The following FBXO11 variants were observed in gnomAD, a reference collection of about 807,000 sequenced individuals.
The protein encoded by FBXO11 is F-box only protein 11.
A neutral mutation model predicts 117.0 loss-of-function variants in FBXO11; 13 were observed. The observed-to-expected ratio is 0.11, with a 90% CI of 0.07 to 0.18. The LOEUF is 0.18. Ranked by LOEUF, FBXO11 falls within the 10% of genes least tolerant of loss-of-function variation. The pLI, the probability that FBXO11 is intolerant of heterozygous loss-of-function variation, is 1.00. For synonymous variants in FBXO11, 490 were observed against 380.5 expected, an observed-to-expected ratio of 1.29 and a Z score of -3.35; for missense variants, 767 against 1,164.4, an observed-to-expected ratio of 0.66 and a Z score of 4.97.
chr2:47,854,516 A>G (rs150735730), intron 1 of FBXO11, among the ~76,000 whole-genome samples: 3 of 152,138 alleles, frequency 2.0e-5, no homozygotes, highest in African/African-American at 7.2e-5. Flanking sequence ...AAATAAATAA[A>G]TAAATAATAG....
chr2:47,894,981 A>G (rs1169968675), intron 1 of FBXO11, among the ~76,000 whole-genome samples: 1 of 152,188 alleles, frequency 6.6e-6, no homozygotes, highest in African/African-American at 2.4e-5. Context: ...AATATTTAAA[A>G]TAAAATAATT....
intron 1 of FBXO11, among the ~76,000 whole-genome samples, chr2:47,904,581 AACAC>A (rs112758707): frequency 0.14 from 21,016 of 147,478 alleles, 1,763 homozygotes; most frequent in Middle Eastern, 0.23. Context: ...CGCGCGCGCA[AACAC>A]ACACACACAC....
chr2:47,903,512 T>C (rs987784006), intron 1 of FBXO11, among the ~76,000 whole-genome samples: 9 of 152,164 alleles, frequency 5.9e-5, no homozygotes, highest in Non-Finnish European at 1.0e-4. Context: ...GAAATGAAAA[T>C]AGACCTCAGT....
chr2:47,861,062 C>G (rs1347613020), intron 1 of FBXO11, among the ~76,000 whole-genome samples: 3 of 151,718 alleles, frequency 2.0e-5, no homozygotes, highest in Admixed American at 6.6e-5. Context: ...GTTGGTTAGG[C>G]TGGTTTCGAA....
Position 47,906,494 on chromosome 2 carries a change from C to T in FBXO11, c.-774G>A, listed in dbSNP as rs1051746006. On this transcript the variant is annotated 5_prime_UTR_variant, in exon 1 of 23. Transcript: ENST00000403359. ...CATTGACACCGCCGGAGCCTCCACT[C>T]GCCCAGTCGGTCCCTCCCCGCCGCG... 6.6e-5 allele frequency among the ~76,000 whole-genome samples: 10 copies of T among 151,424 alleles called. No homozygotes were observed. The highest frequency in any genetic ancestry group is 1.3e-4 in the Non-Finnish European group (9 of 67,806).
chr2:47,832,421 T>C lies in FBXO11; in HGVS notation c.1326A>G (p.Gly442=). ...ALAGIWVKNH[G]NPIIRRNHIH... is the part of the protein sequence containing the mutation. Reference sequence around the variant, plus strand: ...TATGATTCCGTCTAATAATTGGGTTTCCATGATTTTTAACCCAAATCCCAG... The same window carrying C: ...TATGATTCCGTCTAATAATTGGGTTCCCATGATTTTTAACCCAAATCCCAG... Residue 442 remains glycine, a synonymous_variant, in exon 11 of 23, where the codon GGA becomes GGG. Coordinates refer to ENST00000403359, the MANE Select transcript of FBXO11 (RefSeq NM_001190274.2). 1 of 1,613,546 alleles carries C rather than the reference T, an allele frequency of 6.2e-7. No homozygotes were observed. Among genetic ancestry groups the C allele is most frequent in the South Asian group, 1.1e-5 (1 of 91,064 alleles).
intron 21 of FBXO11, 108 bp downstream of exon 21, chr2:47,809,050 T>C: frequency 1.6e-6 from 1 of 628,408 alleles, no homozygotes; most frequent in South Asian, 2.1e-5. Context: ...AAATTTTCAG[T>C]TAGTTATAGT....
intron 1 of FBXO11, among the ~76,000 whole-genome samples, chr2:47,902,836 A>C (rs1026194281): frequency 1.3e-5 from 2 of 152,108 alleles, no homozygotes; most frequent in African/African-American, 4.8e-5. Context: ...CCCTATCTGG[A>C]AAGTTGTCTG....
chr2:47,809,873 T>C, intron 19 of FBXO11, 166 bp from the exon 20 acceptor site: 1 of 553,862 alleles, frequency 1.8e-6, no homozygotes. Flanking sequence ...ACAGTAACAT[T>C]CACTTATCAA....
Position 47,905,891 on chromosome 2 carries a change from G to A in FBXO11, c.-171C>T. ...AGGGGGCGAGCGGGACCCCGAGTCC[G>A]GAGAAAGGCCCGGGTAGACAGACGG... On this transcript the variant is annotated 5_prime_UTR_variant, in exon 1 of 23. Transcript: ENST00000403359. 1.4e-6 allele frequency: 1 copy of A among 720,288 alleles called. No homozygotes were observed. The highest frequency in any genetic ancestry group is 3.1e-5 in the Admixed American group (1 of 32,540). The allele number at this position is 720,288 out of a possible 1,614,324, so 44.6% of individuals were successfully genotyped here. A position where few individuals can be genotyped will look rare whatever the true frequency, so the allele number is the denominator to read the frequency against.
chr2:47,842,805 G>C (rs959424894), intron 1 of FBXO11, among the ~76,000 whole-genome samples: 185 of 151,254 alleles, frequency 1.2e-3, no homozygotes, highest in Non-Finnish European at 2.0e-3. Flanking sequence ...AAAAGATACA[G>C]GGTCTCACTT....
intron 1 of FBXO11, among the ~76,000 whole-genome samples, chr2:47,875,088 G>A (rs773006252): frequency 4.0e-5 from 6 of 151,850 alleles, no homozygotes; most frequent in East Asian, 1.9e-4. Context: ...CATTATTGGC[G>A]TATGGAACAG....
At chr2:47,813,715 G>T in intron 17 of FBXO11, 76 bp downstream of exon 17, 7 of 1,255,300 alleles carry the variant, frequency 5.6e-6, no homozygotes, top group Non-Finnish European at 8.1e-6. Flanking sequence ...TTACAGGCGT[G>T]AGCCACCGTG....
At chr2:47,841,902 G>A (rs1276373128) in intron 1 of FBXO11, among the ~76,000 whole-genome samples, 18 of 152,050 alleles carry the variant, frequency 1.2e-4, no homozygotes, top group Non-Finnish European at 4.4e-5. Flanking sequence ...GCCTCCCAAA[G>A]GGCTGGGATT....
At chr2:47,843,766 A>T (rs987768895) in intron 1 of FBXO11, among the ~76,000 whole-genome samples, 1 of 150,970 alleles carries the variant, frequency 6.6e-6, no homozygotes, top group Non-Finnish European at 1.5e-5. Context: ...TTTTGAGATG[A>T]GTCTTGCTCT....
In FBXO11 at chr2:47,905,930, C is replaced by G. The variant is rs1678782708; in HGVS notation, c.-210G>C. 3 of 529,682 alleles carry G rather than the reference C, an allele frequency of 5.7e-6. No homozygotes were observed. Among genetic ancestry groups the G allele is most frequent in the Non-Finnish European group, 9.2e-6 (3 of 325,688 alleles). The allele number at this position is 529,682 out of a possible 1,614,324, so 32.8% of individuals were successfully genotyped here. A position where few individuals can be genotyped will look rare whatever the true frequency, so the allele number is the denominator to read the frequency against. On this transcript the variant is annotated 5_prime_UTR_variant, in exon 1 of 23. Coordinates refer to ENST00000403359, the MANE Select transcript of FBXO11 (RefSeq NM_001190274.2). ...GTAGACAGACGGAGACCGAGCGAGG[C>G]CGGCCGGGAGGGCCTGACGCACGGG...
intron 1 of FBXO11, among the ~76,000 whole-genome samples, chr2:47,842,977 G>A (rs1673125039): frequency 6.6e-6 from 1 of 151,986 alleles, no homozygotes; most frequent in Admixed American, 6.6e-5. Flanking sequence ...GTAGACACAA[G>A]GTCTCACCAT....
At chr2:47,825,421 CAAAA>C (rs1671676570) in intron 11 of FBXO11, among the ~76,000 whole-genome samples, 1 of 151,768 alleles carries the variant, frequency 6.6e-6, no homozygotes, top group Non-Finnish European at 1.5e-5. Flanking sequence ...ATCAAAAAAA[CAAAA>C]AGAGGCTAGA....
chr2:47,864,286 CAT>C (rs1675024173), intron 1 of FBXO11, among the ~76,000 whole-genome samples: 1 of 152,118 alleles, frequency 6.6e-6, no homozygotes, highest in African/African-American at 2.4e-5. Flanking sequence ...TTGAACAACT[CAT>C]AATTAAAGAC....
Sources: allele counts gnomAD v4.1 joint callset (sites outside exome capture counted in the v4.1 genomes callset), GRCh38; gene constraint gnomAD v4.1.1; transcripts MANE v1.5; gene names NCBI Gene and HGNC (gene_info 2026-07-23, HGNC 2026-07-21).